KIRREL1: variants seen among roughly 807,000 people sequenced by gnomAD.
KIRREL1 encodes the protein kin of IRRE-like protein 1.
Under a neutral mutation model 83.3 loss-of-function variants are expected in KIRREL1, and 25 were observed. That is an observed-to-expected ratio of 0.30 (90% CI 0.22 to 0.42). The LOEUF is 0.42. KIRREL1 is among the 10% of genes least tolerant of loss of function. KIRREL1 has a pLI of 1.00. For synonymous variants in KIRREL1, 388 were observed against 410.4 expected, an observed-to-expected ratio of 0.95 and a Z score of 0.66; for missense variants, 812 against 1,032.3, an observed-to-expected ratio of 0.79 and a Z score of 2.92.
chr1:158,088,111 C>A lies in KIRREL1; in HGVS notation c.873C>A (p.Asn291Lys). ...AGCCTGTGTCTTGTGAGGTTCACAA[C>A]AAAGTGGGAAGCACCAATGTCAGCA... ...FTEPVSCEVH[N>K]KVGSTNVSTL... Residue 291 changes from asparagine (N) to lysine (K), a missense_variant, in exon 7 of 15, where the codon AAC becomes AAA. Physicochemically the swap from Asn to Lys is moderately conservative, Grantham distance 94. Transcript: ENST00000359209. 3 of 1,614,132 alleles carry A rather than the reference C, an allele frequency of 1.9e-6. No homozygotes were observed. The highest frequency in any genetic ancestry group is 1.3e-5 in the African/African-American group (1 of 75,016).
intron 1 of KIRREL1, among the ~76,000 whole-genome samples, chr1:158,015,442 A>G (rs141510949): frequency 6.6e-6 from 1 of 152,312 alleles, no homozygotes; most frequent in Non-Finnish European, 1.5e-5. Context: ...CCAAGATGGA[A>G]TGGTTTTGGC....
chr1:157,994,730 C>A (rs571531567), intron 1 of KIRREL1, among the ~76,000 whole-genome samples: 1 of 152,206 alleles, frequency 6.6e-6, no homozygotes, highest in African/African-American at 2.4e-5. Context: ...GAAATTGACA[C>A]ACAAACACCG....
At chr1:158,025,247 T>C (rs1200675954) in intron 1 of KIRREL1, among the ~76,000 whole-genome samples, 1 of 151,482 alleles carries the variant, frequency 6.6e-6, no homozygotes, top group Non-Finnish European at 1.5e-5. Flanking sequence ...TCTTTCAGGG[T>C]GGCGGAGACA....
At chr1:158,061,802 G>A (rs765931256) in intron 1 of KIRREL1, among the ~76,000 whole-genome samples, 5 of 152,158 alleles carry the variant, frequency 3.3e-5, no homozygotes, top group African/African-American at 4.8e-5. Flanking sequence ...GATGGGAAAG[G>A]AAACTGAATA....
chr1:157,994,181 A>C (rs926657282), intron 1 of KIRREL1, among the ~76,000 whole-genome samples: 3 of 152,134 alleles, frequency 2.0e-5, no homozygotes, highest in Non-Finnish European at 4.4e-5. Context: ...CACCTCCCGA[A>C]GATGTTGCCA....
At chr1:158,055,049 A>G (rs1661015087) in intron 1 of KIRREL1, among the ~76,000 whole-genome samples, 1 of 152,044 alleles carries the variant, frequency 6.6e-6, no homozygotes, top group African/African-American at 2.4e-5. Context: ...TCACCATTTT[A>G]CCATGGATGA....
intron 3 of KIRREL1, among the ~76,000 whole-genome samples, chr1:158,079,859 T>A (rs1342696631): frequency 6.6e-6 from 1 of 152,196 alleles, no homozygotes; most frequent in African/African-American, 2.4e-5. Flanking sequence ...TGGAGACTTG[T>A]AAACTGTGAA....
At chr1:158,026,557 C>G (rs1310420216) in intron 1 of KIRREL1, among the ~76,000 whole-genome samples, 1 of 152,234 alleles carries the variant, frequency 6.6e-6, no homozygotes, top group Non-Finnish European at 1.5e-5. Flanking sequence ...AGCTATATCA[C>G]TTACTAGGTC....
At position 158,096,490 on chromosome 1, in the gene KIRREL1, G is replaced by C; in HGVS notation, c.*1370G>C. On this transcript the variant is annotated 3_prime_UTR_variant, in exon 15 of 15. Coordinates refer to ENST00000359209, the MANE Select transcript of KIRREL1 (RefSeq NM_018240.7). ...TGGGGAGTGGGTACTTGTGAGCCTC[G>C]GACACACTGTTAAGTGTTACAGTGT... is the stretch of plus-strand genomic sequence containing the variant. 1 of 430,200 alleles carries C rather than the reference G, an allele frequency of 2.3e-6. No individual in the cohort carries two copies. 26.6% of individuals were successfully genotyped at this position (430,200 alleles called of 1,614,324 possible).
chr1:158,080,095 A>T (rs1182233187), intron 3 of KIRREL1, among the ~76,000 whole-genome samples: 1 of 152,120 alleles, frequency 6.6e-6, no homozygotes, highest in African/African-American at 2.4e-5. Context: ...TTCATCCCTC[A>T]CTGAGGTGTG....
At position 158,094,549 on chromosome 1, in the gene KIRREL1, G is replaced by A. The variant is rs1157011476; in HGVS notation, c.1798-95G>A. On this transcript the variant is annotated intron_variant, in intron 14 of 14. Coordinates refer to ENST00000359209, the MANE Select transcript of KIRREL1 (RefSeq NM_018240.7). This position sits in a 1 kb window ranked among gnomAD's most constrained non-coding sequence, Gnocchi z 4.6. ...GTGGAATGCTAGATGGGGACATAGG[G>A]AGAGCTGGAGGAAGAGGCCCAGAAA... 3.2e-6 allele frequency: 4 copies of A among 1,258,392 alleles called. No individual in the cohort carries two copies. Among genetic ancestry groups the A allele is most frequent in the Admixed American group, 3.5e-5 (2 of 57,182 alleles). 78.0% of individuals were successfully genotyped at this position (1,258,392 alleles called of 1,614,324 possible). A position where few individuals can be genotyped will look rare whatever the true frequency, so the allele number is the denominator to read the frequency against.
intron 1 of KIRREL1, among the ~76,000 whole-genome samples, chr1:158,049,400 G>A (rs1029949842): frequency 1.3e-5 from 2 of 152,144 alleles, no homozygotes; most frequent in African/African-American, 2.4e-5. Context: ...GTCAAGTGAC[G>A]GGAGCACAGG....
At chr1:158,060,169 T>C (rs1661175098) in intron 1 of KIRREL1, among the ~76,000 whole-genome samples, 2 of 152,138 alleles carry the variant, frequency 1.3e-5, no homozygotes, top group Admixed American at 1.3e-4. Context: ...CCCTTCCCCT[T>C]TCCTCTCTGC....
At chr1:157,996,493 C>A (rs1182626252) in intron 1 of KIRREL1, among the ~76,000 whole-genome samples, 1 of 152,060 alleles carries the variant, frequency 6.6e-6, no homozygotes, top group Non-Finnish European at 1.5e-5. Context: ...AAAATAAGCC[C>A]ACCCAGCCCC....
In KIRREL1 at chr1:158,096,595, A is replaced by G. The variant is rs1046814655; in HGVS notation, c.*1475A>G. 2 of 456,942 alleles carry G rather than the reference A, an allele frequency of 4.4e-6. No homozygotes were observed. The highest frequency in any genetic ancestry group is 1.4e-4 in the East Asian group (2 of 14,386). The allele number at this position is 456,942 out of a possible 1,614,324, so 28.3% of individuals were successfully genotyped here. On this transcript the variant is annotated 3_prime_UTR_variant, in exon 15 of 15. Transcript: ENST00000359209. ...TGACAGAGAACTTGTGCTGACCGGG[A>G]GAAGGTGGTGCGGAAGGGCACCGCA... is the stretch of plus-strand genomic sequence containing the variant.
At chr1:158,038,035 A>G (rs1463234656) in intron 1 of KIRREL1, among the ~76,000 whole-genome samples, 4 of 152,162 alleles carry the variant, frequency 2.6e-5, no homozygotes, top group East Asian at 3.9e-4. Flanking sequence ...GGCTCTAGCT[A>G]AGTTAGGGTC....
At chr1:158,032,149 T>C (rs1018928158) in intron 1 of KIRREL1, among the ~76,000 whole-genome samples, 1 of 150,754 alleles carries the variant, frequency 6.6e-6, no homozygotes, top group Non-Finnish European at 1.5e-5. Context: ...TAGGACAAAA[T>C]TAAGTATTAA....
At chr1:158,008,387 A>G (rs1659579841) in intron 1 of KIRREL1, among the ~76,000 whole-genome samples, 1 of 152,142 alleles carries the variant, frequency 6.6e-6, no homozygotes, top group Non-Finnish European at 1.5e-5. Context: ...CACAGGCTTT[A>G]TCCCCGGAGC....
At chr1:158,028,512 G>A (rs1660232594) in intron 1 of KIRREL1, among the ~76,000 whole-genome samples, 1 of 152,150 alleles carries the variant, frequency 6.6e-6, no homozygotes, top group Non-Finnish European at 1.5e-5. Context: ...AGGATCTCTG[G>A]AGTATTCATT....
Sources: allele counts gnomAD v4.1 joint callset (sites outside exome capture counted in the v4.1 genomes callset), GRCh38; gene constraint gnomAD v4.1.1; non-coding constraint Gnocchi (gnomAD v3.1); transcripts MANE v1.5; gene names NCBI Gene and HGNC (gene_info 2026-07-23, HGNC 2026-07-21).